RAD51B: variants seen among roughly 807,000 people sequenced by gnomAD.
RAD51B encodes DNA repair protein RAD51 homolog 2.
RAD51B carries 38 observed loss-of-function variants against 42.2 expected under a neutral mutation model. That is an observed-to-expected ratio of 0.90 (90% confidence interval 0.70 to 1.18). RAD51B has a LOEUF of 1.18. RAD51B is among the 50% of genes most tolerant of loss of function. RAD51B has a pLI of 0.00. For synonymous variants in RAD51B, 154 were observed against 145.2 expected, an observed-to-expected ratio of 1.06 and a Z score of -0.43; for missense variants, 373 against 400.7, an observed-to-expected ratio of 0.93 and a Z score of 0.59.
chr14:68,123,944 T>G lies in RAD51B; in HGVS notation c.757-167940T>G, dbSNP rs567548977. On this transcript the variant is annotated intron_variant, in intron 7 of 10. Transcript: ENST00000471583. ...CTTGGATAAAAAGCCTAGTTGGTCC[T>G]GCTATGATTTGACTCTGTGTTTCTT... 1.5e-4 allele frequency among the ~76,000 whole-genome samples: 23 copies of G among 152,350 alleles called. No homozygotes were observed. In the East Asian group the frequency reaches 3.9e-3, roughly 26 times the overall value.
chr14:68,678,031 C>T (rs987317948), intron 11 of RAD51B, among the ~76,000 whole-genome samples: 1 of 152,206 alleles, frequency 6.6e-6, no homozygotes, highest in African/African-American at 2.4e-5. Context: ...TGCTTTATCT[C>T]GTTAACCTGC....
At chr14:67,973,690 A>T (rs995400217) in intron 7 of RAD51B, among the ~76,000 whole-genome samples, 3 of 152,128 alleles carry the variant, frequency 2.0e-5, no homozygotes, top group African/African-American at 7.2e-5. Context: ...ATGCCCACAA[A>T]CATTTTCAAT....
Position 68,177,779 on chromosome 14 carries a change from A to C in RAD51B, c.757-114105A>C, listed in dbSNP as rs374404386. 1.2e-4 allele frequency among the ~76,000 whole-genome samples: 18 copies of C among 152,262 alleles called. No homozygotes were observed. In the South Asian group the frequency reaches 3.7e-3, roughly 32 times the overall value. On this transcript the variant is annotated intron_variant, in intron 7 of 10. Transcript: ENST00000471583. Reference sequence around the variant, plus strand: ...AGCCGAGATGTTCAAGCTTTCTGGCATTTGACTAACGTTTTATGCTCTCTT... The same window carrying C: ...AGCCGAGATGTTCAAGCTTTCTGGCCTTTGACTAACGTTTTATGCTCTCTT...
chr14:68,628,243 A>G (rs987955719), intron 10 of RAD51B: 1 of 152,114 alleles, frequency 6.6e-6, no homozygotes, highest in African/African-American at 2.4e-5. Context: ...GAAGATGACT[A>G]TTTCTTTTTT....
intron 7 of RAD51B, among the ~76,000 whole-genome samples, chr14:68,207,299 G>T (rs868468352): frequency 4.6e-5 from 7 of 152,146 alleles, no homozygotes; most frequent in South Asian, 2.1e-4. Flanking sequence ...ATCATGAATT[G>T]ATTCATTGAT....
At chr14:68,520,800 C>T (rs570874665) in intron 10 of RAD51B, among the ~76,000 whole-genome samples, 41 of 152,296 alleles carry the variant, frequency 2.7e-4, no homozygotes, top group African/African-American at 9.4e-4. Flanking sequence ...TATTGGGAAA[C>T]AGGTATTACA....
intron 7 of RAD51B, among the ~76,000 whole-genome samples, chr14:67,988,094 C>T (rs1341354969): frequency 1.3e-5 from 2 of 152,008 alleles, no homozygotes; most frequent in Non-Finnish European, 2.9e-5. Context: ...TAGTTATGTG[C>T]CATAGTATGA....
intron 7 of RAD51B, among the ~76,000 whole-genome samples, chr14:68,093,569 T>C (rs2140525054): frequency 1.3e-5 from 2 of 152,288 alleles, no homozygotes; most frequent in South Asian, 4.1e-4. Context: ...TTTTTTATTG[T>C]GTCTATTTGA....
chr14:67,942,985 G>A (rs2045261039), intron 7 of RAD51B, among the ~76,000 whole-genome samples: 1 of 151,924 alleles, frequency 6.6e-6, no homozygotes, highest in Non-Finnish European at 1.5e-5. Context: ...TCTTTATTTT[G>A]CAGGCTGTTT....
chr14:68,655,808 C>G (rs1228635296), intron 11 of RAD51B, among the ~76,000 whole-genome samples: 2 of 152,222 alleles, frequency 1.3e-5, no homozygotes, highest in African/African-American at 4.8e-5. Context: ...CAGCTTCCAT[C>G]TTACAGATCG....
intron 7 of RAD51B, among the ~76,000 whole-genome samples, chr14:67,925,300 C>T (rs1392691219): frequency 5.3e-5 from 8 of 151,976 alleles, no homozygotes; most frequent in Non-Finnish European, 7.4e-5. Flanking sequence ...GAGACAGAGT[C>T]TCGCTCTGTC....
downstream of RAD51B, among the ~76,000 whole-genome samples, chr14:68,482,307 C>T (rs1350400476): frequency 2.0e-5 from 3 of 151,894 alleles, no homozygotes; most frequent in Admixed American, 6.6e-5. Context: ...GTGTGGTCCC[C>T]GTCAGCCTAC....
intron 7 of RAD51B, among the ~76,000 whole-genome samples, chr14:68,073,427 G>T (rs2076785104): frequency 1.3e-5 from 2 of 152,158 alleles, no homozygotes; most frequent in Non-Finnish European, 2.9e-5. Flanking sequence ...CTGTATGTGA[G>T]ATGGGTCTGT....
intron 10 of RAD51B, among the ~76,000 whole-genome samples, chr14:68,491,084 G>T (rs1884034087): frequency 2.0e-5 from 3 of 152,128 alleles, no homozygotes; most frequent in Admixed American, 1.3e-4. Context: ...CCTACATTTG[G>T]ATGCCTCTCC....
At chr14:68,424,384 T>C (rs2084782808) in intron 9 of RAD51B, among the ~76,000 whole-genome samples, 1 of 152,212 alleles carries the variant, frequency 6.6e-6, no homozygotes, top group South Asian at 2.1e-4. Context: ...GTTTTTGGTT[T>C]TGGTTTGTTT....
downstream of RAD51B, among the ~76,000 whole-genome samples, chr14:68,479,892 C>T (rs1187327757): frequency 6.6e-6 from 1 of 151,930 alleles, no homozygotes; most frequent in Non-Finnish European, 1.5e-5. Flanking sequence ...TGGTCTTGAA[C>T]TCCTGGGCTC....
chr14:68,542,388 T>C (rs1292986216), intron 10 of RAD51B, among the ~76,000 whole-genome samples: 1 of 152,242 alleles, frequency 6.6e-6, no homozygotes, highest in Non-Finnish European at 1.5e-5. Context: ...ACTAATATTA[T>C]CTTTGATCCA....
In RAD51B at chr14:67,851,840, C is replaced by T. The variant is rs1487207612; in HGVS notation, c.316-13163C>T. ...CCACCCTAGAGAAACAGAGCTGCTA[C>T]TCACTGAAGTGATTATGTGGGGGTA... On this transcript the variant is annotated intron_variant, in intron 4 of 10. Coordinates refer to ENST00000471583, the MANE Select transcript of RAD51B (RefSeq NM_133510.4). Among the ~76,000 whole-genome samples the T allele has an allele frequency of 2.6e-5, 4 of 151,846 alleles. No individual in the cohort carries two copies. In the East Asian group the frequency reaches 7.7e-4, roughly 29 times the overall value.
intron 8 of RAD51B, among the ~76,000 whole-genome samples, chr14:68,329,443 A>C (rs184317190): frequency 1.3e-5 from 2 of 152,330 alleles, no homozygotes; most frequent in Admixed American, 1.3e-4. Flanking sequence ...AAAGATAGGA[A>C]TGTCAGCTTC....
Sources: gnomAD v4.1 joint callset for allele counts (sites outside exome capture counted in the v4.1 genomes callset) on GRCh38, gnomAD v4.1.1 for gene constraint, MANE v1.5 for transcripts, NCBI Gene and HGNC (gene_info 2026-07-23, HGNC 2026-07-21) for gene names.